Variants in ZMIZ1 observed in about 807,000 individuals in gnomAD.
ZMIZ1 encodes zinc finger MIZ-type containing 1, also known as zinc finger MIZ domain-containing protein 1.
ZMIZ1 carries 17 observed loss-of-function variants against 113.9 expected under a neutral mutation model. The observed-to-expected ratio is 0.15, with a 90% CI of 0.10 to 0.22. The LOEUF (loss-of-function observed/expected upper bound fraction) is 0.22. Ranked by LOEUF, ZMIZ1 falls within the 10% of genes least tolerant of loss-of-function variation. The pLI, the probability that ZMIZ1 is intolerant of heterozygous loss-of-function variation, is 1.00. For synonymous variants in ZMIZ1, 607 were observed against 603.1 expected (o/e 1.01, Z -0.09); for missense variants, 1,059 against 1,477.8 (o/e 0.72, Z 4.65).
intron 7 of ZMIZ1, among the ~76,000 whole-genome samples, chr10:79,241,528 A>G (rs771884270): frequency 1.3e-5 from 2 of 152,098 alleles, no homozygotes; most frequent in African/African-American, 2.4e-5. Flanking sequence ...GGGGATGCCA[A>G]TTAATTTCTC....
At position 79,314,087 on chromosome 10, in the gene ZMIZ1, A is replaced by G. The variant is rs1176666415; in HGVS notation, c.*1338A>G. ...CCTACCCTGCCTGCACTCCTCCACCATCACAATCTCACCCAAACTCCTGCT... is the reference window on the plus strand; with the variant it reads ...CCTACCCTGCCTGCACTCCTCCACCGTCACAATCTCACCCAAACTCCTGCT... On this transcript the variant is annotated 3_prime_UTR_variant, in exon 25 of 25. Transcript: ENST00000334512. 1 of 456,792 alleles carries G rather than the reference A, an allele frequency of 2.2e-6. No individual in the cohort carries two copies. The highest frequency in any genetic ancestry group is 4.4e-6 in the Non-Finnish European group (1 of 226,988). The allele number at this position is 456,792 out of a possible 1,614,324, so 28.3% of individuals were successfully genotyped here.
At chr10:79,292,662 G>A in intron 11 of ZMIZ1, 1 of 496,140 alleles carries the variant, frequency 2.0e-6, no homozygotes. Flanking sequence ...GGCTCTCTGG[G>A]CCCCCAACTC....
chr10:79,279,992 C>CTTT (rs113546164), intron 8 of ZMIZ1, among the ~76,000 whole-genome samples: 2 of 139,376 alleles, frequency 1.4e-5, no homozygotes, highest in Admixed American at 7.1e-5. Flanking sequence ...ATTATTATTA[C>CTTT]TTTTTTTTTT....
chr10:79,300,474 G>A lies in ZMIZ1; in HGVS notation c.1809-258G>A, dbSNP rs143451703. On this transcript the variant is annotated intron_variant, in intron 16 of 24. Coordinates refer to ENST00000334512, the MANE Select transcript of ZMIZ1 (RefSeq NM_020338.4). Reference sequence around the variant, plus strand: ...TGACCCCTACAGGGAGGACATTCCAGGGAGATGGGAGCTAGAGCTGTGGGG... The same window carrying A: ...TGACCCCTACAGGGAGGACATTCCAAGGAGATGGGAGCTAGAGCTGTGGGG... Among the ~76,000 whole-genome samples the A allele has an allele frequency of 6.6e-3, 1,011 of 152,300 alleles. 4 individuals carry two copies. The highest frequency in any genetic ancestry group is 0.024 in the African/African-American group (978 of 41,548).
At chr10:79,145,233 ACT>A (rs1193833381) in intron 3 of ZMIZ1, among the ~76,000 whole-genome samples, 2 of 149,788 alleles carry the variant, frequency 1.3e-5, no homozygotes, top group African/African-American at 2.5e-5. Context: ...CACTGACAAG[ACT>A]CTCTCCTGCC....
chr10:79,158,683 C>G (rs1042668455), intron 3 of ZMIZ1, among the ~76,000 whole-genome samples: 1 of 152,196 alleles, frequency 6.6e-6, no homozygotes, highest in Non-Finnish European at 1.5e-5. Context: ...TCAACATGAC[C>G]GAGTGCCTCC....
rs539811393 is a variant in ZMIZ1 at position 79,117,829 on chromosome 10, G to A, written c.-336-1086G>A. Among the ~76,000 whole-genome samples, 15 of 152,278 alleles carry A rather than the reference G, an allele frequency of 9.9e-5. No individual in the cohort carries two copies. The East Asian group carries it at 1.2e-3, about 12-fold the overall frequency. The stretch of plus-strand genomic sequence containing the variant: ...GCTTCCTGTGATGTCCCCTCTGCCC[G>A]CCCTGAGCCTCAGGCCCCCAGGTCA... On this transcript the variant is annotated intron_variant, in intron 1 of 24. Transcript: ENST00000334512.
chr10:79,270,507 A>G (rs544784855), intron 7 of ZMIZ1, among the ~76,000 whole-genome samples: 1 of 152,286 alleles, frequency 6.6e-6, no homozygotes, highest in East Asian at 1.9e-4. Flanking sequence ...ACTATTTCAC[A>G]TGCCACTAAG....
In ZMIZ1 at chr10:79,285,481, A is replaced by T. The variant is rs190928871; in HGVS notation, c.426-4294A>T. 3.9e-5 allele frequency: 18 copies of T among 456,054 alleles called. No homozygotes were observed. In the East Asian group the frequency reaches 1.3e-3, roughly 32 times the overall value. 28.3% of individuals were successfully genotyped at this position (456,054 alleles called of 1,614,324 possible). A position where few individuals can be genotyped will look rare whatever the true frequency, so the allele number is the denominator to read the frequency against. Reference sequence around the variant, plus strand: ...AGGTTGCTGAGGCATACAGAGAGTGAGCAGTGGTTTCATCGCTTCCCTCTG... The same window carrying T: ...AGGTTGCTGAGGCATACAGAGAGTGTGCAGTGGTTTCATCGCTTCCCTCTG... On this transcript the variant is annotated intron_variant, in intron 8 of 24. Transcript: ENST00000334512.
intron 7 of ZMIZ1, among the ~76,000 whole-genome samples, chr10:79,255,902 A>C (rs1184098625): frequency 1.3e-5 from 2 of 152,248 alleles, no homozygotes; most frequent in African/African-American, 4.8e-5. Flanking sequence ...ACAGAGCCGC[A>C]TTGTAAATCG....
chr10:79,136,472 AATT>A (rs1845011140), intron 2 of ZMIZ1, among the ~76,000 whole-genome samples: 3 of 152,144 alleles, frequency 2.0e-5, no homozygotes, highest in Admixed American at 2.0e-4. Flanking sequence ...GGAATGAATG[AATT>A]ATTTCATCAG....
chr10:79,172,093 C>T (rs376910119), intron 4 of ZMIZ1, among the ~76,000 whole-genome samples: 4 of 152,142 alleles, frequency 2.6e-5, no homozygotes, highest in South Asian at 4.2e-4. Context: ...AGATAGGGTG[C>T]GAGGCCTCTG....
At chr10:79,218,961 G>C (rs1848852291) in intron 7 of ZMIZ1, among the ~76,000 whole-genome samples, 2 of 152,000 alleles carry the variant, frequency 1.3e-5, no homozygotes, top group South Asian at 4.1e-4. Context: ...CACAGTCTTT[G>C]TCCTGAGAGT....
At chr10:79,194,204 C>T (rs1847736996) in intron 4 of ZMIZ1, among the ~76,000 whole-genome samples, 1 of 152,258 alleles carries the variant, frequency 6.6e-6, no homozygotes, top group Non-Finnish European at 1.5e-5. Context: ...CGGGGACCCC[C>T]ACTTGCCTGT....
intron 5 of ZMIZ1, among the ~76,000 whole-genome samples, chr10:79,205,908 G>A (rs764855632): frequency 1.3e-5 from 2 of 152,096 alleles, no homozygotes; most frequent in Non-Finnish European, 2.9e-5. Flanking sequence ...ACCAGCCTGG[G>A]CAACATAGCA....
intron 7 of ZMIZ1, among the ~76,000 whole-genome samples, chr10:79,256,082 C>A (rs566081516): frequency 5.3e-5 from 8 of 152,204 alleles, no homozygotes; most frequent in Admixed American, 1.3e-4. Context: ...GAGGCTCTTG[C>A]TGGGGAGAGC....
In ZMIZ1 at chr10:79,304,015, T is replaced by C. The variant is rs1331197811; in HGVS notation, c.2126T>C (p.Ile709Thr). The C allele has an allele frequency of 6.2e-7, 1 of 1,613,946 alleles. No homozygotes were observed. ...CCTGTCTGTGCCTCCTGCCCCGCAG[T>C]CAAGCGGAATTTCAGCAGCGTGGCT... ...LLPAEHCITK[I>T]KRNFSSVAAS... is the part of the protein sequence containing the mutation. Residue 709 changes from isoleucine to threonine, a missense_variant and splice_region_variant, in exon 19 of 25, where the codon ATC becomes ACC. Physicochemically the swap from Ile to Thr is moderately conservative, Grantham distance 89 (BLOSUM62 -1). This residue lies in a region of ZMIZ1 where 217 missense variants were observed against 426.9 expected (regional missense o/e 0.51). Coordinates refer to ENST00000334512, the MANE Select transcript of ZMIZ1 (RefSeq NM_020338.4).
At chr10:79,182,840 C>T (rs183690708) in intron 4 of ZMIZ1, among the ~76,000 whole-genome samples, 2 of 152,294 alleles carry the variant, frequency 1.3e-5, no homozygotes, top group African/African-American at 4.8e-5. Context: ...TAGTGCTGTC[C>T]GTGGTGTGTG....
chr10:79,071,125 A>G (rs925696701), intron 1 of ZMIZ1, among the ~76,000 whole-genome samples: 1 of 152,170 alleles, frequency 6.6e-6, no homozygotes, highest in Non-Finnish European at 1.5e-5. Flanking sequence ...AAGATTTAAA[A>G]GGGCAGTGGG....
Sources: gnomAD v4.1 joint callset for allele counts (sites outside exome capture counted in the v4.1 genomes callset) on GRCh38, gnomAD v4.1.1 for gene constraint, gnomAD v4.1.1 regional missense constraint, MANE v1.5 for transcripts, NCBI Gene and HGNC (gene_info 2026-07-23, HGNC 2026-07-21) for gene names.